Variants in FHIT observed in about 807,000 individuals in gnomAD.
FHIT encodes the protein bis(5'-adenosyl)-triphosphatase.
Under a neutral mutation model 17.9 loss-of-function variants are expected in FHIT, and 19 were observed. The observed-to-expected ratio is 1.06, with a 90% CI of 0.74 to 1.56. The LOEUF is 1.56. Among genes scored for constraint, FHIT ranks in the 40% most tolerant of loss-of-function variants. The probability of loss-of-function intolerance (pLI) is 0.00; values close to 1 mark genes in which losing one functional copy is unlikely to be tolerated. For synonymous variants in FHIT, 81 were observed against 69.7 expected, an observed-to-expected ratio of 1.16 and a Z score of -0.81; for missense variants, 248 against 189.2, an observed-to-expected ratio of 1.31 and a Z score of -1.82.
At chr3:59,834,612 C>T (rs1701277950) in intron 8 of FHIT, among the ~76,000 whole-genome samples, 1 of 152,162 alleles carries the variant, frequency 6.6e-6, no homozygotes, top group Non-Finnish European at 1.5e-5. Flanking sequence ...ACTGTATCCT[C>T]ACGTGGTGGA....
intron 5 of FHIT, among the ~76,000 whole-genome samples, chr3:60,104,418 T>G (rs1245282764): frequency 6.6e-6 from 1 of 151,974 alleles, no homozygotes; most frequent in Non-Finnish European, 1.5e-5. Context: ...GACTTTATAT[T>G]CAGAATAGCA....
At chr3:60,022,975 G>A (rs978443032) in intron 5 of FHIT, among the ~76,000 whole-genome samples, 3 of 152,126 alleles carry the variant, frequency 2.0e-5, no homozygotes, top group Non-Finnish European at 4.4e-5. Flanking sequence ...ATTCTGGTTA[G>A]GAGAGTACTG....
At chr3:60,135,165 G>C (rs1325272226) in intron 5 of FHIT, among the ~76,000 whole-genome samples, 1 of 152,114 alleles carries the variant, frequency 6.6e-6, no homozygotes, top group Non-Finnish European at 1.5e-5. Flanking sequence ...TCAAAAGATA[G>C]ATAGATTCCA....
chr3:60,619,257 C>A (rs79818665), intron 4 of FHIT, among the ~76,000 whole-genome samples: 2 of 151,766 alleles, frequency 1.3e-5, no homozygotes, highest in Non-Finnish European at 2.9e-5. Context: ...TTTAAATGTG[C>A]GCATAAAAAA....
chr3:60,573,645 C>G (rs1227743776), intron 4 of FHIT, among the ~76,000 whole-genome samples: 2 of 152,118 alleles, frequency 1.3e-5, no homozygotes, highest in East Asian at 3.9e-4. Context: ...CTGCTGCTCT[C>G]AGGAAAGGGG....
In FHIT at chr3:60,964,410, T is replaced by C. The variant is rs557218658; in HGVS notation, c.-111+77637A>G. ...CAATTTGCCAGTCTGTGTCTTTTAA[T>C]TGGAGCATTTAGTCCATTTACATTT... On this transcript the variant is annotated intron_variant, in intron 3 of 9. Transcript: ENST00000492590. 2.1e-4 allele frequency among the ~76,000 whole-genome samples: 32 copies of C among 152,320 alleles called. No individual in the cohort carries two copies. In the South Asian group the frequency reaches 6.4e-3, roughly 31 times the overall value.
chr3:60,468,839 C>A (rs2032934913), intron 5 of FHIT, among the ~76,000 whole-genome samples: 1 of 152,068 alleles, frequency 6.6e-6, no homozygotes, highest in African/African-American at 2.4e-5. Flanking sequence ...AAGAAAGAAT[C>A]CTTTAGCATT....
chr3:60,326,738 A>G (rs1013029194), intron 5 of FHIT, among the ~76,000 whole-genome samples: 3 of 152,172 alleles, frequency 2.0e-5, no homozygotes, highest in Admixed American at 6.5e-5. Flanking sequence ...GTCCAGAGCT[A>G]CTAGTAGTAG....
intron 4 of FHIT, among the ~76,000 whole-genome samples, chr3:60,576,866 G>T (rs1237718355): frequency 2.0e-5 from 3 of 151,440 alleles, no homozygotes; most frequent in African/African-American, 7.3e-5. Flanking sequence ...CATTTTACTA[G>T]GCACTTTGGA....
At chr3:60,130,784 G>GTATACACATATATAT (rs148356992) in intron 5 of FHIT, among the ~76,000 whole-genome samples, 2 of 111,624 alleles carry the variant, frequency 1.8e-5, no homozygotes, top group Admixed American at 8.9e-5. Context: ...GTGTGTGTGT[G>GTATACACATATATAT]GTGTGTATAT....
At chr3:59,874,189 C>A (rs572559662) in intron 8 of FHIT, among the ~76,000 whole-genome samples, 2 of 152,286 alleles carry the variant, frequency 1.3e-5, no homozygotes, top group African/African-American at 4.8e-5. Context: ...CATTCTAACC[C>A]CAAATGCCTC....
At chr3:60,542,655 C>G (rs1343220369) in intron 4 of FHIT, among the ~76,000 whole-genome samples, 1 of 152,040 alleles carries the variant, frequency 6.6e-6, no homozygotes, top group Middle Eastern at 3.2e-3. Context: ...CTTGTATATT[C>G]TAAATATTGA....
At chr3:60,460,788 G>C (rs1027260954) in intron 5 of FHIT, among the ~76,000 whole-genome samples, 5 of 152,308 alleles carry the variant, frequency 3.3e-5, no homozygotes, top group African/African-American at 9.6e-5. Context: ...CTCTAAAATA[G>C]ATGCAGGCTG....
chr3:60,452,995 T>C (rs2031847460), intron 5 of FHIT, among the ~76,000 whole-genome samples: 1 of 152,194 alleles, frequency 6.6e-6, no homozygotes. Flanking sequence ...CAGCAAAGAA[T>C]GTAAGGATGT....
intron 5 of FHIT, among the ~76,000 whole-genome samples, chr3:60,060,660 T>C (rs1053745222): frequency 3.9e-4 from 59 of 152,318 alleles, no homozygotes; most frequent in African/African-American, 1.4e-3. Context: ...GATTTGCAAT[T>C]ATAAGAACTC....
chr3:61,053,697 AT>A lies in FHIT; in HGVS notation c.-163-11599del, dbSNP rs200177414. 4.6e-3 allele frequency among the ~76,000 whole-genome samples: 698 copies of A among 151,762 alleles called. 7 individuals are homozygous for A. Among genetic ancestry groups the A allele is most frequent in the African/African-American group, 0.016 (680 of 41,432 alleles). On this transcript the variant is annotated intron_variant, in intron 2 of 9. Coordinates refer to ENST00000492590, the MANE Select transcript of FHIT (RefSeq NM_002012.4). ...AAATTGTGTTTAAAGTTTCAAGTTAATTTTTTTTAAGTCACCATAGCTCATA... is the reference window on the plus strand; with the variant it reads ...AAATTGTGTTTAAAGTTTCAAGTTAATTTTTTTAAGTCACCATAGCTCATA...
intron 5 of FHIT, among the ~76,000 whole-genome samples, chr3:60,191,816 T>C (rs1576283695): frequency 6.6e-6 from 1 of 152,138 alleles, no homozygotes; most frequent in East Asian, 1.9e-4. Flanking sequence ...TAAAATACTT[T>C]TAAAAAGTCA....
chr3:60,276,137 G>A (rs573359445), intron 5 of FHIT, among the ~76,000 whole-genome samples: 9 of 151,868 alleles, frequency 5.9e-5, no homozygotes, highest in East Asian at 3.9e-4. Flanking sequence ...ATAGATACCC[G>A]CCACCAGGCT....
chr3:61,147,394 T>C (rs1294475239), intron 2 of FHIT, among the ~76,000 whole-genome samples: 3 of 152,116 alleles, frequency 2.0e-5, no homozygotes, highest in Admixed American at 1.3e-4. Flanking sequence ...TTCATACTTG[T>C]TTCCTTTGAC....
Sources: gnomAD v4.1 joint callset for allele counts (sites outside exome capture counted in the v4.1 genomes callset) on GRCh38, gnomAD v4.1.1 for gene constraint, MANE v1.5 for transcripts, NCBI Gene and HGNC (gene_info 2026-07-23, HGNC 2026-07-21) for gene names.